The following GH2 variants were observed in gnomAD, a reference collection of about 807,000 sequenced individuals.
GH2 encodes the protein growth hormone variant.
In GH2, 17 loss-of-function variants were observed where a neutral mutation model predicts 24.1. That is an observed-to-expected ratio of 0.71 (90% CI 0.48 to 1.06). The LOEUF (loss-of-function observed/expected upper bound fraction) is 1.06, where lower values mean the gene tolerates loss of function less well. Among genes scored for constraint, GH2 ranks in the 50% least tolerant of loss-of-function variants. The pLI is 0.00. For missense variants in GH2, 305 were observed against 273.1 expected (o/e 1.12, Z -0.82); for synonymous variants, 126 against 118.7 (o/e 1.06, Z -0.40).
chr17:63,880,563 T>C, intron 4 of GH2, 45 bp from the exon 5 acceptor site: 2 of 1,613,922 alleles, frequency 1.2e-6, no homozygotes, highest in Non-Finnish European at 1.7e-6. Context: ...GCTTGGGCAC[T>C]GTTCCCTCCC....
chr17:63,880,873 G>A lies in GH2; in HGVS notation c.355C>T (p.Leu119Phe). 6.2e-7 allele frequency: 1 copy of A among 1,614,090 alleles called. No homozygotes were observed. Among genetic ancestry groups the A allele is most frequent in the Non-Finnish European group, 8.5e-7 (1 of 1,179,966 alleles). ...IQSWLEPVQL[L>F]RSVFANSLVY... is the part of the protein sequence containing the mutation. ...AGGCTGTTGGCGAAGACGCTCCTGA[G>A]GAGCTGCACGGGCTCCAGCCATGAC... The change falls in exon 4 of 5, where the codon CTC becomes TTC. Residue 119 changes from leucine (L) to phenylalanine (F), a missense_variant. Leu to Phe is a conservative substitution (Grantham distance 22). Coordinates refer to ENST00000423893, the MANE Select transcript of GH2 (RefSeq NM_002059.5).
Position 63,881,881 on chromosome 17 carries a change from G to T in GH2, c.-80C>A. The T allele has an allele frequency of 6.2e-7, 1 of 1,613,488 alleles. No homozygotes were observed. The highest frequency in any genetic ancestry group is 1.3e-5 in the African/African-American group (1 of 75,004). ...GGGATCCTTGAGCTGGTCTCTTGTG[G>T]GCCCTTTTTATACCTGGCCCCTTCT... On this transcript the variant is annotated 5_prime_UTR_variant, in exon 1 of 5. Coordinates refer to ENST00000423893, the MANE Select transcript of GH2 (RefSeq NM_002059.5).
Position 63,880,899 on chromosome 17 carries a change from T to C in GH2, c.329A>G (p.Gln110Arg). ...GAGCTGCACGGGCTCCAGCCATGAC[T>C]GGATGAGCAGCAGGGAGATGCGGAG... The part of the protein sequence containing the change: ...ELLRISLLLI[Q>R]SWLEPVQLLR... The change falls in exon 4 of 5, where the codon CAG (glutamine) becomes CGG (arginine). Residue 110 changes from glutamine (Q) to arginine (R), a missense_variant. Gln to Arg is a conservative substitution (Grantham distance 43). Coordinates refer to ENST00000423893, the MANE Select transcript of GH2 (RefSeq NM_002059.5). The C allele has an allele frequency of 6.2e-7, 1 of 1,614,076 alleles. No homozygotes were observed. Among genetic ancestry groups the C allele is most frequent in the Non-Finnish European group, 8.5e-7 (1 of 1,179,960 alleles).
At chr17:63,881,225 C>G in intron 2 of GH2, 77 bp from the exon 3 acceptor site, 10 of 1,612,546 alleles carry the variant, frequency 6.2e-6, no homozygotes, top group Non-Finnish European at 8.5e-6. Flanking sequence ...CCTCACTCAG[C>G]GTATGCTCAT....
Position 63,880,920 on chromosome 17 carries a change from C to T in GH2, c.308G>A (p.Arg103His), listed in dbSNP as rs61764018. 3.6e-4 allele frequency: 574 copies of T among 1,614,068 alleles called. 1 individual carries two copies. The African/African-American group carries it at 6.7e-3, about 19-fold the overall frequency. Residue 103 changes from arginine (R) to histidine (H), a missense_variant, in exon 4 of 5, where the codon CGC becomes CAC. Arg to His is a conservative substitution (Grantham distance 29). Coordinates refer to ENST00000423893, the MANE Select transcript of GH2 (RefSeq NM_002059.5). ...TGACTGGATGAGCAGCAGGGAGATG[C>T]GGAGCAGCTCTAGGTTCTGCAGGGG... is the stretch of plus-strand genomic sequence containing the variant. ...TQQKSNLELL[R>H]ISLLLIQSWL...
At position 63,880,467 on chromosome 17, in the gene GH2, T is replaced by G. The variant is rs758272707; in HGVS notation, c.508A>C (p.Ser170Arg). 1 of 1,613,748 alleles carries G rather than the reference T, an allele frequency of 6.2e-7. No homozygotes were observed. Among genetic ancestry groups the G allele is most frequent in the Non-Finnish European group, 8.5e-7 (1 of 1,179,698 alleles). The change falls in exon 5 of 5, where the codon AGC becomes CGC. Residue 170 changes from serine to arginine, a missense_variant. Transcript: ENST00000423893. ...TTGTGCGATTTTGTGTCAAACTTGCTGTAGGACTGATTGAAGATCTGCCCA... is the reference window on the plus strand; with the variant it reads ...TTGTGCGATTTTGTGTCAAACTTGCGGTAGGACTGATTGAAGATCTGCCCA... Reference protein sequence around the residue: ...RTGQIFNQSYSKFDTKSHNDD... With the variant: ...RTGQIFNQSYRKFDTKSHNDD...
chr17:63,881,097 G>C lies in GH2; in HGVS notation c.223C>G (p.Gln75Glu). The C allele has an allele frequency of 6.2e-7, 1 of 1,614,090 alleles. No homozygotes were observed. Among genetic ancestry groups the C allele is most frequent in the Non-Finnish European group, 8.5e-7 (1 of 1,179,950 alleles). Residue 75 changes from glutamine to glutamate, a missense_variant, in exon 3 of 5, where the codon CAG becomes GAG. Gln to Glu is a conservative substitution (Grantham distance 29). Coordinates refer to ENST00000423893, the MANE Select transcript of GH2 (RefSeq NM_002059.5). The part of the protein sequence containing the change: ...EQKYSFLQNP[Q>E]TSLCFSESIP... ...GACTCTGAGAAGCAGAGGGAGGTCTGGGGGTTCTGCAGGAATGAATACTTC... is the reference window on the plus strand; with the variant it reads ...GACTCTGAGAAGCAGAGGGAGGTCTCGGGGTTCTGCAGGAATGAATACTTC...
intron 2 of GH2, 22 bp downstream of exon 2, chr17:63,881,337 C>T: frequency 6.2e-7 from 1 of 1,613,844 alleles, no homozygotes; most frequent in Non-Finnish European, 8.5e-7. Context: ...CTCTGAAGCG[C>T]ACCCATTACC....
chr17:63,881,297 C>A, intron 2 of GH2, 62 bp downstream of exon 2: 1 of 1,611,520 alleles, frequency 6.2e-7, no homozygotes, highest in Non-Finnish European at 8.5e-7. Flanking sequence ...CATTACTTCC[C>A]AGCGGGGGAA....
chr17:63,881,924 C>T lies in GH2; in HGVS notation c.-123G>A, dbSNP rs1191770655. The T allele has an allele frequency of 2.5e-6, 4 of 1,600,122 alleles. No individual in the cohort carries two copies. Among genetic ancestry groups the T allele is most frequent in the Non-Finnish European group, 3.4e-6 (4 of 1,172,536 alleles). ...CCCCTTCTCTCTCGCTGCTTCTCCTCACCTGTTTCTCTGCATGTTTAGGCC... is the reference window on the plus strand; with the variant it reads ...CCCCTTCTCTCTCGCTGCTTCTCCTTACCTGTTTCTCTGCATGTTTAGGCC... On this transcript the variant is annotated 5_prime_UTR_variant, in exon 1 of 5. The change abolishes the stop of an existing upstream ORF in the 5' untranslated region. Transcript: ENST00000423893.
In GH2 at chr17:63,881,099, G is replaced by C; in HGVS notation, c.221C>G (p.Pro74Arg). 6.2e-7 allele frequency: 1 copy of C among 1,614,084 alleles called. No individual in the cohort carries two copies. Among genetic ancestry groups the C allele is most frequent in the Non-Finnish European group, 8.5e-7 (1 of 1,179,938 alleles). ...KEQKYSFLQN[P>R]QTSLCFSESI... is the part of the protein sequence containing the mutation. ...CTCTGAGAAGCAGAGGGAGGTCTGG[G>C]GGTTCTGCAGGAATGAATACTTCTG... Residue 74 changes from proline to arginine, a missense_variant, in exon 3 of 5, where the codon CCC (proline) becomes CGC (arginine). Coordinates refer to ENST00000423893, the MANE Select transcript of GH2 (RefSeq NM_002059.5).
chr17:63,880,515 G>T lies in GH2; in HGVS notation c.460C>A (p.Leu154Met), dbSNP rs1905432418. The T allele has an allele frequency of 6.2e-7, 1 of 1,613,664 alleles. No individual in the cohort carries two copies. The highest frequency in any genetic ancestry group is 1.1e-5 in the South Asian group (1 of 91,070). ...CCAGTCCGGGGGCTGCCATCTTCCA[G>T]CCTCTGCAAAGTGAAGGAAGAGAAG... Reference protein sequence around the residue: ...EEGIQTLMWRLEDGSPRTGQI... With the variant: ...EEGIQTLMWRMEDGSPRTGQI... The change falls in exon 5 of 5, where the codon CTG becomes ATG. Residue 154 changes from leucine to methionine, a missense_variant. Transcript: ENST00000423893.
chr17:63,881,605 T>C, intron 1 of GH2, 86 bp from the exon 2 acceptor site: 18 of 923,456 alleles, frequency 1.9e-5, no homozygotes, highest in East Asian at 3.6e-5. Flanking sequence ...TTTTTTTTTT[T>C]CTCTCTCTCT....
chr17:63,881,229 T>C, intron 2 of GH2, 81 bp from the exon 3 acceptor site: 2 of 1,612,360 alleles, frequency 1.2e-6, no homozygotes, highest in South Asian at 2.2e-5. Context: ...ACTCAGCGTA[T>C]GCTCATCTGC....
In GH2 at chr17:63,880,216, G is replaced by T. The variant is rs1370787850; in HGVS notation, c.*105C>A. 3.2e-6 allele frequency: 5 copies of T among 1,582,236 alleles called. No individual in the cohort carries two copies. In the Admixed American group the frequency reaches 7.2e-5, roughly 23 times the overall value. ...ACAAGGACACCTAGTCAAACAAAATGATGCAACTTAATTTTATTAGGACAA... is the reference window on the plus strand; with the variant it reads ...ACAAGGACACCTAGTCAAACAAAATTATGCAACTTAATTTTATTAGGACAA... On this transcript the variant is annotated 3_prime_UTR_variant, in exon 5 of 5. Coordinates refer to ENST00000423893, the MANE Select transcript of GH2 (RefSeq NM_002059.5).
chr17:63,881,453 G>A lies in GH2; in HGVS notation c.77C>T (p.Ala26Val), dbSNP rs1222943045. 3.7e-6 allele frequency: 6 copies of A among 1,614,016 alleles called. No individual in the cohort carries two copies. The highest frequency in any genetic ancestry group is 5.1e-6 in the Non-Finnish European group (6 of 1,179,948). ...CCTGGATAAGGGAATGGTTGGGAAG[G>A]CACTGCCCTCTTGAAGCCAGGACAG... The part of the protein sequence containing the change: ...LCLSWLQEGS[A>V]FPTIPLSRLF... Residue 26 changes from alanine to valine, a missense_variant, in exon 2 of 5, where the codon GCC becomes GTC. Transcript: ENST00000423893.
At chr17:63,880,604 T>A (rs1170826080) in intron 4 of GH2, 86 bp from the exon 5 acceptor site, 2 of 1,613,822 alleles carry the variant, frequency 1.2e-6, no homozygotes, top group South Asian at 2.2e-5. Context: ...CTCCCTCCCC[T>A]CCAGGTTGTA....
At position 63,881,810 on chromosome 17, in the gene GH2, G is replaced by C. The variant is rs752978834; in HGVS notation, c.-9C>G. The C allele has an allele frequency of 6.2e-7, 1 of 1,613,600 alleles. No homozygotes were observed. The highest frequency in any genetic ancestry group is 8.5e-7 in the Non-Finnish European group (1 of 1,179,784). On this transcript the variant is annotated 5_prime_UTR_variant, in exon 1 of 5. Coordinates refer to ENST00000423893, the MANE Select transcript of GH2 (RefSeq NM_002059.5). Reference sequence around the variant, plus strand: ...CGCTTACCTGCAGCCATTGCCGCTAGGTGAGCTGTCCACAGGACCCTGAGT... The same window carrying C: ...CGCTTACCTGCAGCCATTGCCGCTACGTGAGCTGTCCACAGGACCCTGAGT...
rs59599680 is a variant in GH2 at position 63,881,604 on chromosome 17, T to TCTC, written c.11-86_11-85insGAG. ...TGTTCCAGGAGCTGGGTTTTTTTTT[T>TCTC]TCTCTCTCTCTCTCTGCCTCCCTCC... On this transcript the variant is annotated intron_variant, in intron 1 of 4. Transcript: ENST00000423893. 78 of 1,530,538 alleles carry TCTC rather than the reference T, an allele frequency of 5.1e-5. No individual in the cohort carries two copies. The Middle Eastern group carries it at 6.9e-4, about 13-fold the overall frequency. The allele number at this position is 1,530,538 out of a possible 1,614,324, so 94.8% of individuals were successfully genotyped here.
Sources: allele counts gnomAD v4.1 joint callset, GRCh38; gene constraint gnomAD v4.1.1; transcripts MANE v1.5; gene names NCBI Gene and HGNC (gene_info 2026-07-23, HGNC 2026-07-21).